The following NTRK2 variants were observed in gnomAD, a reference collection of about 807,000 sequenced individuals.
NTRK2 encodes the protein BDNF/NT-3 growth factors receptor.
In NTRK2, 13 loss-of-function variants were observed where a neutral mutation model predicts 94.5. The observed-to-expected ratio is 0.14, with a 90% CI of 0.09 to 0.22. The LOEUF is 0.22. Ranked by LOEUF, NTRK2 falls within the 10% of genes least tolerant of loss-of-function variation. The pLI, the probability that NTRK2 is intolerant of heterozygous loss-of-function variation, is 1.00. For missense variants in NTRK2, 639 were observed against 1,071.2 expected (o/e 0.60, Z 5.63); for synonymous variants, 372 against 407.4 (o/e 0.91, Z 1.05).
At chr9:84,692,451 CTTTTTTTTCTTTTTTTCTTTTTT>C (rs1375456200) in intron 2 of NTRK2, among the ~76,000 whole-genome samples, 8 of 133,226 alleles carry the variant, frequency 6.0e-5, no homozygotes, top group African/African-American at 2.2e-4. Flanking sequence ...CTTTTCTTTT[CTTTTTTTTCTTTTTTTCTTTTTT>C]TTTTTTTTTT....
At position 84,745,096 on chromosome 9, in the gene NTRK2, T is replaced by A. The variant is rs747289956; in HGVS notation, c.1296+23T>A. 1.9e-6 allele frequency: 3 copies of A among 1,565,790 alleles called. No homozygotes were observed. The East Asian group carries it at 6.7e-5, about 35-fold the overall frequency. On this transcript the variant is annotated intron_variant, in intron 11 of 18. Coordinates refer to ENST00000277120, the MANE Select transcript of NTRK2 (RefSeq NM_006180.6). ...TCGGTGAGTGGAATAAATAGGTGTC[T>A]GAATTGGTTCTGAGCATTTTGGATG...
chr9:84,689,472 T>C (rs1401306364), intron 2 of NTRK2, among the ~76,000 whole-genome samples: 1 of 152,222 alleles, frequency 6.6e-6, no homozygotes. Flanking sequence ...AGGTTGTTTA[T>C]TAACAGTCCT....
At chr9:85,000,140 G>GTTCACATATACCCCCTGCCC (rs1830174507) in intron 17 of NTRK2, among the ~76,000 whole-genome samples, 2 of 152,096 alleles carry the variant, frequency 1.3e-5, no homozygotes, top group Non-Finnish European at 2.9e-5. Context: ...AGAAAGTGGA[G>GTTCACATATACCCCCTGCCC]TTCACATATA....
chr9:84,814,169 C>T (rs202239429), intron 12 of NTRK2: 1 of 1,065,628 alleles, frequency 9.4e-7, no homozygotes, highest in Non-Finnish European at 1.1e-6. Flanking sequence ...ACTAAACAAT[C>T]CCAGCCCCAC....
At chr9:84,700,907 T>TGTCCATCCATCC (rs1191577277) in intron 2 of NTRK2, among the ~76,000 whole-genome samples, 1 of 152,214 alleles carries the variant, frequency 6.6e-6, no homozygotes, top group African/African-American at 2.4e-5. Context: ...TTTCTCCATC[T>TGTCCATCCATCC]GTCCATCCAT....
chr9:84,969,558 A>G (rs1194359638), intron 17 of NTRK2, among the ~76,000 whole-genome samples: 1 of 152,268 alleles, frequency 6.6e-6, no homozygotes, highest in Non-Finnish European at 1.5e-5. Context: ...GGGTGACATA[A>G]TAACACGTGT....
Position 85,025,643 on chromosome 9 carries a change from T to C in NTRK2, c.*4206T>C. ...TGTTGTATCTAACTAAATAAATGAC[T>C]GCATATACACACATACCCTCAATTC... On this transcript the variant is annotated 3_prime_UTR_variant, in exon 19 of 19. Transcript: ENST00000277120. 4.3e-6 allele frequency: 1 copy of C among 233,278 alleles called. No homozygotes were observed. The highest frequency in any genetic ancestry group is 8.5e-6 in the Non-Finnish European group (1 of 118,022). The allele number at this position is 233,278 out of a possible 1,614,324, so 14.5% of individuals were successfully genotyped here. A position where few individuals can be genotyped will look rare whatever the true frequency, so the allele number is the denominator to read the frequency against.
chr9:84,760,968 T>C (rs557524652), intron 12 of NTRK2, among the ~76,000 whole-genome samples: 1 of 152,372 alleles, frequency 6.6e-6, no homozygotes, highest in East Asian at 1.9e-4. Context: ...TTCTTCCTTA[T>C]GCAATAGATT....
At chr9:84,732,882 A>G (rs958884514) in intron 9 of NTRK2, among the ~76,000 whole-genome samples, 4 of 152,150 alleles carry the variant, frequency 2.6e-5, no homozygotes, top group Admixed American at 2.6e-4. Flanking sequence ...ACATGAACAA[A>G]TGTGCCTCTG....
chr9:84,998,460 T>C (rs1417900960), intron 17 of NTRK2, among the ~76,000 whole-genome samples: 2 of 152,130 alleles, frequency 1.3e-5, no homozygotes, highest in Non-Finnish European at 2.9e-5. Context: ...TCTCTATAAA[T>C]CCAGCACTAT....
At position 85,026,411 on chromosome 9, in the gene NTRK2, T is replaced by C. The variant is rs923072127; in HGVS notation, c.*4974T>C. On this transcript the variant is annotated 3_prime_UTR_variant, in exon 19 of 19. Coordinates refer to ENST00000277120, the MANE Select transcript of NTRK2 (RefSeq NM_006180.6). The stretch of plus-strand genomic sequence containing the variant: ...GCATCATAAAAGCTGCTAGTAGCCA[T>C]GTGTTTGAACAGGAAAAATATTACA... The C allele has an allele frequency of 2.6e-4, 61 of 231,898 alleles. No individual in the cohort carries two copies. The highest frequency in any genetic ancestry group is 1.3e-3 in the African/African-American group (59 of 45,278). The allele number at this position is 231,898 out of a possible 1,614,324, so 14.4% of individuals were successfully genotyped here. A position where few individuals can be genotyped will look rare whatever the true frequency, so the allele number is the denominator to read the frequency against.
intron 12 of NTRK2, among the ~76,000 whole-genome samples, chr9:84,809,433 C>G (rs999067713): frequency 6.8e-6 from 1 of 148,064 alleles, no homozygotes; most frequent in African/African-American, 2.5e-5. Context: ...TATACATATA[C>G]TATATGTCTT....
At position 84,727,661 on chromosome 9, in the gene NTRK2, A is replaced by C; in HGVS notation, c.861A>C (p.Pro287=). The change falls in exon 9 of 19, where the codon CCA becomes CCC. Residue 287 remains proline (P), a synonymous_variant. Transcript: ENST00000277120. ...DSVNLTVHFA[P]TITFLESPTS... ...CTCTCTTTTTCAATTTAGTTGCACC[A>C]ACTATCACATTTCTCGAATCTCCAA... 6.2e-7 allele frequency: 1 copy of C among 1,612,362 alleles called. No individual in the cohort carries two copies. The highest frequency in any genetic ancestry group is 2.2e-5 in the East Asian group (1 of 44,888).
intron 12 of NTRK2, among the ~76,000 whole-genome samples, chr9:84,823,114 G>A (rs2072957234): frequency 6.6e-6 from 1 of 151,946 alleles, no homozygotes; most frequent in Non-Finnish European, 1.5e-5. Context: ...AAAGTACCCA[G>A]GCTGGGCAAG....
At chr9:84,775,671 GGTT>G (rs2066961122) in intron 12 of NTRK2, among the ~76,000 whole-genome samples, 1 of 152,030 alleles carries the variant, frequency 6.6e-6, no homozygotes, top group Non-Finnish European at 1.5e-5. Flanking sequence ...GGACTTCCTG[GGTT>G]GTTATGGATA....
rs148624911 is a variant in NTRK2, at chr9:84,777,737, G to A, written c.1396+25652G>A. Among the ~76,000 whole-genome samples the A allele has an allele frequency of 3.1e-4, 47 of 152,240 alleles. 1 individual carries two copies. The highest frequency in any genetic ancestry group is 1.0e-3 in the African/African-American group (43 of 41,548). On this transcript the variant is annotated intron_variant, in intron 12 of 18. Transcript: ENST00000277120. The stretch of plus-strand genomic sequence containing the variant: ...TCCTGAAAATTAGACAAAGAAGTAC[G>A]AGCTGTCTCTAGCAAGCCATTGCAA...
intron 12 of NTRK2, among the ~76,000 whole-genome samples, chr9:84,765,761 T>G (rs2065970374): frequency 2.6e-5 from 4 of 151,962 alleles, no homozygotes; most frequent in Non-Finnish European, 5.9e-5. Context: ...AACAAGAGAG[T>G]TTTAGGAGGT....
chr9:84,833,448 A>G (rs1194550976), intron 12 of NTRK2, among the ~76,000 whole-genome samples: 4 of 151,596 alleles, frequency 2.6e-5, no homozygotes, highest in African/African-American at 7.3e-5. Context: ...AAAGGAAAGA[A>G]AAAAAGGAAG....
At chr9:84,947,248 A>G (rs1035855011) in intron 15 of NTRK2, among the ~76,000 whole-genome samples, 1 of 152,244 alleles carries the variant, frequency 6.6e-6, no homozygotes, top group African/African-American at 2.4e-5. Flanking sequence ...GAGCTACTGT[A>G]CCCGGTCTCT....
Sources: gnomAD v4.1 joint callset for allele counts (sites outside exome capture counted in the v4.1 genomes callset) on GRCh38, gnomAD v4.1.1 for gene constraint, MANE v1.5 for transcripts, NCBI Gene and HGNC (gene_info 2026-07-23, HGNC 2026-07-21) for gene names.